The following DNMBP variants were observed in gnomAD, a reference collection of about 807,000 sequenced individuals.
DNMBP encodes dynamin-binding protein.
A neutral mutation model predicts 150.0 loss-of-function variants in DNMBP; 87 were observed. The observed-to-expected ratio is 0.58, with a 90% CI of 0.49 to 0.69. DNMBP has a LOEUF of 0.69. DNMBP is among the 30% of genes least tolerant of loss of function. The probability of loss-of-function intolerance (pLI) is 0.00; values close to 1 mark genes in which losing one functional copy is unlikely to be tolerated. For missense variants in DNMBP, 1,774 were observed against 1,949.0 expected, an observed-to-expected ratio of 0.91 and a Z score of 1.69; for synonymous variants, 711 against 750.4, an observed-to-expected ratio of 0.95 and a Z score of 0.86.
At chr10:99,986,467 A>G (rs1285818785) in intron 1 of DNMBP, among the ~76,000 whole-genome samples, 1 of 152,140 alleles carries the variant, frequency 6.6e-6, no homozygotes, top group Non-Finnish European at 1.5e-5. Context: ...AATGATTCCA[A>G]TTACTTTAAG....
At chr10:99,883,214 CACTT>C (rs967705329) in intron 15 of DNMBP, among the ~76,000 whole-genome samples, 24 of 152,134 alleles carry the variant, frequency 1.6e-4, no homozygotes, top group African/African-American at 5.3e-4. Flanking sequence ...ATCCCTTGTA[CACTT>C]ACTTAAATTC....
chr10:99,956,217 A>G lies in DNMBP; in HGVS notation c.1257T>C (p.Pro419=). Residue 419 remains proline (P), a synonymous_variant, in exon 4 of 17, where the codon CCT becomes CCC. Transcript: ENST00000324109. ...VNGISSQPQV[P]FHPNLQKSQY... ...GGCTTTTCTGCAAGTTGGGATGAAA[A>G]GGGACCTGAGGTTGGGAGGAAATAC... 1 of 1,613,864 alleles carries G rather than the reference A, an allele frequency of 6.2e-7. No individual in the cohort carries two copies. Among genetic ancestry groups the G allele is most frequent in the Non-Finnish European group, 8.5e-7 (1 of 1,179,992 alleles).
intron 9 of DNMBP, among the ~76,000 whole-genome samples, chr10:99,897,607 C>G (rs1161536369): frequency 6.6e-6 from 1 of 152,192 alleles, no homozygotes; most frequent in Non-Finnish European, 1.5e-5. Context: ...ATATACCATA[C>G]TTCCGCTTTT....
chr10:99,913,943 C>T, intron 4 of DNMBP: 1 of 1,373,256 alleles, frequency 7.3e-7, no homozygotes, highest in East Asian at 2.9e-5. Flanking sequence ...TCCCACACCC[C>T]AGGACCTACC....
At chr10:99,951,681 A>T (rs1416988774) in intron 4 of DNMBP, among the ~76,000 whole-genome samples, 1 of 152,180 alleles carries the variant, frequency 6.6e-6, no homozygotes, top group Non-Finnish European at 1.5e-5. Context: ...TGTTTTGGCC[A>T]ATTTCTCCCA....
rs74155729 is a variant in DNMBP, at chr10:99,906,174, A to T, written c.2554+1821T>A. On this transcript the variant is annotated intron_variant, in intron 6 of 16. Transcript: ENST00000324109. ...TTTTTCCTGTGTCCGTTTTTCTCCC[A>T]GGTGAGTCAGGTAAATTCCATCTAG... Among the ~76,000 whole-genome samples, 183 of 152,278 alleles carry T rather than the reference A, an allele frequency of 1.2e-3. 1 individual carries two copies. Among genetic ancestry groups the T allele is most frequent in the African/African-American group, 4.3e-3 (179 of 41,558 alleles).
intron 4 of DNMBP, among the ~76,000 whole-genome samples, chr10:99,915,879 G>C (rs1267086262): frequency 6.6e-6 from 1 of 152,174 alleles, no homozygotes; most frequent in East Asian, 1.9e-4. Flanking sequence ...TAGAAGAGCT[G>C]AGATTTCAAC....
chr10:99,913,635 T>C (rs2039928112), intron 4 of DNMBP, among the ~76,000 whole-genome samples: 1 of 152,066 alleles, frequency 6.6e-6, no homozygotes, highest in South Asian at 2.1e-4. Flanking sequence ...GATTGTGGCT[T>C]ACCCCCCACC....
chr10:99,889,077 T>C, intron 11 of DNMBP, 124 bp from the exon 12 acceptor site: 4 of 1,128,812 alleles, frequency 3.5e-6, no homozygotes, highest in Non-Finnish European at 5.0e-6. Context: ...TTCTAACTAG[T>C]CTGGTATTTT....
chr10:99,996,572 C>A (rs922710549), intron 1 of DNMBP, among the ~76,000 whole-genome samples: 3 of 152,128 alleles, frequency 2.0e-5, no homozygotes, highest in African/African-American at 7.2e-5. Context: ...TTTTCAACAT[C>A]TTTAATCAAA....
chr10:99,951,630 C>G (rs1222490908), intron 4 of DNMBP, among the ~76,000 whole-genome samples: 3 of 152,182 alleles, frequency 2.0e-5, no homozygotes, highest in African/African-American at 7.2e-5. Context: ...GATTTGACTG[C>G]CCCACTGGAT....
intron 11 of DNMBP, among the ~76,000 whole-genome samples, chr10:99,893,845 G>C (rs2039612680): frequency 6.6e-6 from 1 of 152,202 alleles, no homozygotes; most frequent in African/African-American, 2.4e-5. Context: ...TCTCTGATAG[G>C]AGGGAAGAAC....
At position 99,898,760 on chromosome 10, in the gene DNMBP, C is replaced by T. The variant is rs149590680; in HGVS notation, c.2703G>A (p.Lys901=). ...KHLQDSLADL[K]SLYNEWGCTN... ...GAACTTACCATTCGTTGTATAGGCT[C>T]CTGCAAGGCAGTGGGCATGAAAAGA... Residue 901 remains lysine (K), a splice_region_variant and synonymous_variant, in exon 8 of 17, where the codon AAG becomes AAA. Coordinates refer to ENST00000324109, the MANE Select transcript of DNMBP (RefSeq NM_015221.4). 198 of 1,613,404 alleles carry T rather than the reference C, an allele frequency of 1.2e-4. No homozygotes were observed. Among genetic ancestry groups the T allele is most frequent in the Non-Finnish European group, 1.5e-4 (182 of 1,179,622 alleles).
intron 6 of DNMBP, among the ~76,000 whole-genome samples, chr10:99,901,264 T>G (rs983616672): frequency 2.6e-5 from 4 of 152,118 alleles, no homozygotes; most frequent in African/African-American, 9.7e-5. Flanking sequence ...AATAACCAAA[T>G]GTAGCACTGA....
chr10:99,893,248 C>T (rs1168993797), intron 11 of DNMBP, among the ~76,000 whole-genome samples: 1 of 152,162 alleles, frequency 6.6e-6, no homozygotes, highest in African/African-American at 2.4e-5. Context: ...TATACTGCCA[C>T]AAGATTTGGC....
In DNMBP at chr10:99,943,380, T is replaced by TTTTG. The variant is rs150436660; in HGVS notation, c.2260+11830_2260+11833dup. Among the ~76,000 whole-genome samples, 405 of 151,118 alleles carry TTTTG rather than the reference T, an allele frequency of 2.7e-3. 1 individual carries two copies. Among genetic ancestry groups the TTTTG allele is most frequent in the African/African-American group, 6.4e-3 (264 of 41,058 alleles). On this transcript the variant is annotated intron_variant, in intron 4 of 16. Coordinates refer to ENST00000324109, the MANE Select transcript of DNMBP (RefSeq NM_015221.4). ...TGAGAAGGAATTCTTGTGTGTGGTT[T>TTTTG]TTTGTTTGTTTGTTTGTTTGTTTGT...
At chr10:99,891,552 G>GC (rs2039560781) in intron 11 of DNMBP, among the ~76,000 whole-genome samples, 2 of 152,118 alleles carry the variant, frequency 1.3e-5, no homozygotes, top group African/African-American at 4.8e-5. Context: ...GCCTGCCTTG[G>GC]ACTCCCAAAG....
At chr10:99,904,057 C>G (rs9630093) in intron 6 of DNMBP, among the ~76,000 whole-genome samples, 1 of 151,946 alleles carries the variant, frequency 6.6e-6, no homozygotes, top group African/African-American at 2.4e-5. Context: ...CCAACACGCC[C>G]GGCTGATCAA....
chr10:99,991,905 C>CAAAAAAA (rs71009797), intron 1 of DNMBP, among the ~76,000 whole-genome samples: 1 of 105,068 alleles, frequency 9.5e-6, no homozygotes, highest in African/African-American at 3.5e-5. Flanking sequence ...GACTCCACCT[C>CAAAAAAA]AAAAAAAAAA....
Sources: gnomAD v4.1 joint callset for allele counts (sites outside exome capture counted in the v4.1 genomes callset) on GRCh38, gnomAD v4.1.1 for gene constraint, MANE v1.5 for transcripts, NCBI Gene and HGNC (gene_info 2026-07-23, HGNC 2026-07-21) for gene names.